The following SAMD4B variants were observed in gnomAD, a reference collection of about 807,000 sequenced individuals.
The protein encoded by SAMD4B is sterile alpha motif domain containing 4B.
In SAMD4B, 5 loss-of-function variants were observed where a neutral mutation model predicts 74.5. That is an observed-to-expected ratio of 0.07 (90% CI 0.04 to 0.14). SAMD4B has a LOEUF of 0.14. Among genes scored for constraint, SAMD4B ranks in the 10% least tolerant of loss-of-function variants. The pLI, the probability that SAMD4B is intolerant of heterozygous loss-of-function variation, is 1.00. For missense variants in SAMD4B, 608 were observed against 921.8 expected, an observed-to-expected ratio of 0.66 and a Z score of 4.41; for synonymous variants, 373 against 374.9, an observed-to-expected ratio of 1.00 and a Z score of 0.06.
intron 2 of SAMD4B, among the ~76,000 whole-genome samples, chr19:39,355,428 C>G (rs2076290387): frequency 6.6e-6 from 1 of 152,184 alleles, no homozygotes; most frequent in African/African-American, 2.4e-5. Flanking sequence ...CACAGCCCTC[C>G]TCAGCAAGCG....
At chr19:39,380,560 A>G (rs747705105) in intron 10 of SAMD4B, 27 bp from the exon 11 acceptor site, 4 of 1,613,126 alleles carry the variant, frequency 2.5e-6, no homozygotes, top group Non-Finnish European at 3.4e-6. Flanking sequence ...TATGTAAATT[A>G]ACACCCTGCC....
At chr19:39,389,848 A>G, downstream of SAMD4B, 3 of 1,564,294 alleles carry the variant, frequency 1.9e-6, no homozygotes, top group Non-Finnish European at 2.6e-6. This position sits in a 1 kb window ranked among gnomAD's most constrained non-coding sequence, Gnocchi z 5.3. Context: ...TTCTCTGGGG[A>G]GGAACTCAGA....
Position 39,383,914 on chromosome 19 carries a change from G to A in SAMD4B, c.*387G>A. Reference sequence around the variant, plus strand: ...GAGACAAACTGACCACTACCTTGTGGAGCCTGCTCAGAAACATTTGACATT... The same window carrying A: ...GAGACAAACTGACCACTACCTTGTGAAGCCTGCTCAGAAACATTTGACATT... On this transcript the variant is annotated 3_prime_UTR_variant, in exon 14 of 14. Coordinates refer to ENST00000610417, the MANE Select transcript of SAMD4B (RefSeq NM_001384574.2). The surrounding 1 kb of genome is among the most constrained non-coding windows in gnomAD (Gnocchi z 4.1). 1 of 585,662 alleles carries A rather than the reference G, an allele frequency of 1.7e-6. No homozygotes were observed. The highest frequency in any genetic ancestry group is 2.8e-5 in the East Asian group (1 of 35,720). 36.3% of individuals were successfully genotyped at this position (585,662 alleles called of 1,614,324 possible).
chr19:39,361,263 A>T (rs1390496895), intron 3 of SAMD4B, among the ~76,000 whole-genome samples: 1 of 152,138 alleles, frequency 6.6e-6, no homozygotes, highest in Admixed American at 6.5e-5. Context: ...CCTCCCCAAA[A>T]AGATGCACAC....
downstream of SAMD4B, chr19:39,386,242 C>T: frequency 6.2e-7 from 1 of 1,614,160 alleles, no homozygotes. The surrounding 1 kb of genome is among the most constrained non-coding windows in gnomAD (Gnocchi z 6.1). Flanking sequence ...TCCTCTTTGT[C>T]ACGGGCAGCC....
intron 1 of SAMD4B, among the ~76,000 whole-genome samples, chr19:39,349,362 C>A (rs752952509): frequency 4.6e-5 from 7 of 152,050 alleles, no homozygotes; most frequent in Non-Finnish European, 1.0e-4. Flanking sequence ...GGTGTCAAGA[C>A]ATTTAGGAGT....
chr19:39,367,111 T>C (rs2077004443), intron 3 of SAMD4B, among the ~76,000 whole-genome samples: 1 of 152,184 alleles, frequency 6.6e-6, no homozygotes, highest in Non-Finnish European at 1.5e-5. Flanking sequence ...AAAATAGAGC[T>C]CAGTGAAGTG....
Position 39,380,582 on chromosome 19 carries a change from C to T in SAMD4B, c.1650-5C>T, listed in dbSNP as rs763303926. 6.2e-7 allele frequency: 1 copy of T among 1,614,166 alleles called. No individual in the cohort carries two copies. The highest frequency in any genetic ancestry group is 8.5e-7 in the Non-Finnish European group (1 of 1,180,012). ...ATTAACACCCTGCCTTCTGCTCTCTCATAGCTGGGCATTCGGCTCCAACTC... is the reference window on the plus strand; with the variant it reads ...ATTAACACCCTGCCTTCTGCTCTCTTATAGCTGGGCATTCGGCTCCAACTC... On this transcript the variant is annotated splice_polypyrimidine_tract_variant and splice_region_variant and intron_variant, in intron 10 of 13. Coordinates refer to ENST00000610417, the MANE Select transcript of SAMD4B (RefSeq NM_001384574.2).
downstream of SAMD4B, chr19:39,389,839 T>A: frequency 1.3e-6 from 2 of 1,574,096 alleles, no homozygotes; most frequent in Non-Finnish European, 1.7e-6. This position sits in a 1 kb window ranked among gnomAD's most constrained non-coding sequence, Gnocchi z 5.3. Context: ...AGGCGGAGCT[T>A]CTCTGGGGAG....
downstream of SAMD4B, chr19:39,388,229 A>G: frequency 1.9e-6 from 2 of 1,030,736 alleles, no homozygotes; most frequent in Non-Finnish European, 3.0e-6. Flanking sequence ...TTGTTTACCA[A>G]TGCATATGAC....
chr19:39,390,027 A>G (rs760897130), downstream of SAMD4B: 37 of 1,499,590 alleles, frequency 2.5e-5, no homozygotes, highest in East Asian at 7.2e-4. Flanking sequence ...CCTGCCTTCA[A>G]GGAACTCATA....
chr19:39,383,372 T>C lies in SAMD4B; in HGVS notation c.2056+81T>C, dbSNP rs1023449490. 3.2e-6 allele frequency: 5 copies of C among 1,578,966 alleles called. No homozygotes were observed. In the African/African-American group the frequency reaches 4.0e-5, roughly 13 times the overall value. ...TGAACTGAGCAACTCAGAGTCATCC[T>C]GAGGGGTCCCCAGGGGAGGCCAGAC... is the stretch of plus-strand genomic sequence containing the variant. On this transcript the variant is annotated intron_variant, in intron 13 of 13. Coordinates refer to ENST00000610417, the MANE Select transcript of SAMD4B (RefSeq NM_001384574.2). The surrounding 1 kb of genome is among the most constrained non-coding windows in gnomAD (Gnocchi z 4.1).
chr19:39,353,410 C>T lies in SAMD4B; in HGVS notation c.-266-596C>T, dbSNP rs535270338. On this transcript the variant is annotated intron_variant, in intron 1 of 13. Coordinates refer to ENST00000610417, the MANE Select transcript of SAMD4B (RefSeq NM_001384574.2). ...GTTTCTCCAAGATAGTGTTAGCAGC[C>T]GAGGGTGTATTCTTCTATACATTTA... Among the ~76,000 whole-genome samples, 7 of 151,694 alleles carry T rather than the reference C, an allele frequency of 4.6e-5. No individual in the cohort carries two copies. In the South Asian group the frequency reaches 8.3e-4, roughly 18 times the overall value.
rs2077736753 is a variant in SAMD4B, at chr19:39,378,470, G to A, written c.1445-34G>A. On this transcript the variant is annotated intron_variant, in intron 8 of 13. Coordinates refer to ENST00000610417, the MANE Select transcript of SAMD4B (RefSeq NM_001384574.2). The surrounding 1 kb of genome is among the most constrained non-coding windows in gnomAD (Gnocchi z 4.4). ...GGAACATGGCAGAGGGCATACTAGG[G>A]GTTAACCTCCTGCCCTTTCTCATGT... 6.3e-7 allele frequency: 1 copy of A among 1,596,652 alleles called. No individual in the cohort carries two copies. Among genetic ancestry groups the A allele is most frequent in the South Asian group, 1.1e-5 (1 of 90,694 alleles).
Position 39,375,660 on chromosome 19 carries a change from C to T in SAMD4B, c.678C>T (p.Cys226=). ...TCCCACTCTGGCCAGGTCTCCCCTG[C>T]CAAATCCACCCTAGCCCACTGAAGC... ...IGSNANTGLP[C]QIHPSPLKRS... The change falls in exon 5 of 14, where the codon TGC becomes TGT. Residue 226 remains cysteine (C), a synonymous_variant. Coordinates refer to ENST00000610417, the MANE Select transcript of SAMD4B (RefSeq NM_001384574.2). The surrounding 1 kb of genome is among the most constrained non-coding windows in gnomAD (Gnocchi z 4.1). 6.2e-7 allele frequency: 1 copy of T among 1,601,872 alleles called. No homozygotes were observed. The highest frequency in any genetic ancestry group is 1.3e-5 in the African/African-American group (1 of 74,772).
intron 3 of SAMD4B, among the ~76,000 whole-genome samples, chr19:39,365,602 G>T (rs921143483): frequency 6.6e-6 from 1 of 152,154 alleles, no homozygotes; most frequent in African/African-American, 2.4e-5. Flanking sequence ...GATCTCAGCT[G>T]TGTCGCTTAA....
In SAMD4B at chr19:39,372,439, G is replaced by T. The variant is rs142992053; in HGVS notation, c.667+2314G>T. The stretch of plus-strand genomic sequence containing the variant: ...CCTCAGTGTGTGAAGGCTACATTCT[G>T]GGGGGCGTTGAAGGACAGGAGAAGC... On this transcript the variant is annotated intron_variant, in intron 4 of 13. Coordinates refer to ENST00000610417, the MANE Select transcript of SAMD4B (RefSeq NM_001384574.2). 2.0e-5 allele frequency among the ~76,000 whole-genome samples: 3 copies of T among 152,202 alleles called. No homozygotes were observed. In the East Asian group the frequency reaches 5.8e-4, roughly 29 times the overall value.
chr19:39,376,835 GGTGGTACCAGTAGACCAA>G (rs1405871017), intron 7 of SAMD4B, 44 bp downstream of exon 7: 1 of 1,551,876 alleles, frequency 6.4e-7, no homozygotes, highest in Non-Finnish European at 8.9e-7. Context: ...CCAGCCACTT[GGTGGTACCAGTAGACCAA>G]AGGCCCTGAG....
rs761399943 is a variant in SAMD4B at position 39,380,040 on chromosome 19, G to A, written c.1605G>A (p.Pro535=). ...TGCTGAAGCTCCTCCGGACATTCCC[G>A]CGCAAAGCCGCACTAGAGATGCAGA... ...QQVLKLLRTF[P]RKAALEMQNY... Residue 535 remains proline, a synonymous_variant, in exon 10 of 14, where the codon CCG becomes CCA. Coordinates refer to ENST00000610417, the MANE Select transcript of SAMD4B (RefSeq NM_001384574.2). The A allele has an allele frequency of 5.6e-6, 9 of 1,613,682 alleles. No individual in the cohort carries two copies. Among genetic ancestry groups the A allele is most frequent in the East Asian group, 2.2e-5 (1 of 44,890 alleles).
Sources: allele counts gnomAD v4.1 joint callset (sites outside exome capture counted in the v4.1 genomes callset), GRCh38; gene constraint gnomAD v4.1.1; non-coding constraint Gnocchi (gnomAD v3.1); transcripts MANE v1.5; gene names NCBI Gene and HGNC (gene_info 2026-07-23, HGNC 2026-07-21).